XPO6: variants seen among roughly 807,000 people sequenced by gnomAD.
XPO6 encodes the protein exportin-6.
Under a neutral mutation model 130.0 loss-of-function variants are expected in XPO6, and 3 were observed. The ratio of observed to expected loss-of-function variants is 0.02; its 90% CI spans 0.01 to 0.06. The LOEUF (loss-of-function observed/expected upper bound fraction) is 0.06, where lower values mean the gene tolerates loss of function less well. XPO6 is among the 10% of genes least tolerant of loss of function. The pLI, the probability that XPO6 is intolerant of heterozygous loss-of-function variation, is 1.00. For synonymous variants in XPO6, 524 were observed against 548.9 expected (o/e 0.95, Z 0.63); for missense variants, 970 against 1,393.0 (o/e 0.70, Z 4.83).
intron 1 of XPO6, among the ~76,000 whole-genome samples, chr16:28,203,209 G>C (rs2043978377): frequency 6.6e-6 from 1 of 151,580 alleles, no homozygotes; most frequent in African/African-American, 2.4e-5. Context: ...CCAGGAGATA[G>C]AGGCTGCAGT....
At chr16:28,110,101 T>C (rs1466551908) in intron 17 of XPO6, among the ~76,000 whole-genome samples, 1 of 152,186 alleles carries the variant, frequency 6.6e-6, no homozygotes, top group Non-Finnish European at 1.5e-5. Context: ...TTTCCAACCT[T>C]AATTTCAACA....
intron 4 of XPO6, among the ~76,000 whole-genome samples, chr16:28,170,960 T>G (rs572249929): frequency 6.6e-6 from 1 of 152,294 alleles, no homozygotes; most frequent in African/African-American, 2.4e-5. Flanking sequence ...AAGTTGCCAC[T>G]AAAATTATCT....
intron 1 of XPO6, among the ~76,000 whole-genome samples, chr16:28,195,243 C>T (rs958873274): frequency 6.6e-6 from 1 of 152,116 alleles, no homozygotes; most frequent in Non-Finnish European, 1.5e-5. Flanking sequence ...TCCTCCAAAG[C>T]TTAGGTGTAA....
intron 7 of XPO6, chr16:28,155,742 A>G (rs1471164414): frequency 4.2e-6 from 1 of 235,804 alleles, no homozygotes; most frequent in African/African-American, 2.3e-5. Context: ...ACGCAGGAGC[A>G]GCAGTCTCAG....
intron 4 of XPO6, among the ~76,000 whole-genome samples, chr16:28,171,570 T>C (rs2043451038): frequency 6.6e-6 from 1 of 151,942 alleles, no homozygotes; most frequent in Non-Finnish European, 1.5e-5. Context: ...ACAGGACAAG[T>C]ACTCAATAAT....
Position 28,203,095 on chromosome 16 carries a change from G to A in XPO6, c.3+8271C>T, listed in dbSNP as rs2043976543. ...GCTCAAGGCCAGCAGGGGCAACATG[G>A]TGAAACCTCGTATCTACAAAGAATA... On this transcript the variant is annotated intron_variant, in intron 1 of 23. Coordinates refer to ENST00000304658, the MANE Select transcript of XPO6 (RefSeq NM_015171.4). Among the ~76,000 whole-genome samples, 5 of 152,120 alleles carry A rather than the reference G, an allele frequency of 3.3e-5. No individual in the cohort carries two copies. In the South Asian group the frequency reaches 1.0e-3, roughly 31 times the overall value.
intron 23 of XPO6, among the ~76,000 whole-genome samples, 192 bp from the exon 24 acceptor site, chr16:28,098,831 G>C (rs1461236332): frequency 2.6e-5 from 4 of 152,178 alleles, no homozygotes; most frequent in Non-Finnish European, 2.9e-5. Flanking sequence ...AAAAGAACAA[G>C]AGGAATACGT....
At position 28,169,753 on chromosome 16, in the gene XPO6, T is replaced by C; in HGVS notation, c.562A>G (p.Thr188Ala). The change falls in exon 5 of 24, where the codon ACA (threonine) becomes GCA (alanine). Residue 188 changes from threonine (T) to alanine (A), a missense_variant. Around this residue, in one of 4 missense-constraint regions of XPO6, gnomAD observed 936 missense variants for 1,306.8 expected, o/e 0.72. Coordinates refer to ENST00000304658, the MANE Select transcript of XPO6 (RefSeq NM_015171.4). The part of the protein sequence containing the change: ...DQVQTVLGLL[T>A]GILETVWDKH... ...TGGGCACTACCATACTGCTCACCTG[T>C]CAGTAGCCCAAGCACTGTCTGCACC... is the stretch of plus-strand genomic sequence containing the variant. 1 of 1,613,766 alleles carries C rather than the reference T, an allele frequency of 6.2e-7. No homozygotes were observed. Among genetic ancestry groups the C allele is most frequent in the Non-Finnish European group, 8.5e-7 (1 of 1,179,888 alleles).
chr16:28,124,815 T>G (rs1203355761), intron 13 of XPO6, among the ~76,000 whole-genome samples: 1 of 152,220 alleles, frequency 6.6e-6, no homozygotes, highest in Non-Finnish European at 1.5e-5. Context: ...GATGTGGCAG[T>G]GAAGTCTGGC....
In XPO6 at chr16:28,193,823, G is replaced by A. The variant is rs183245355; in HGVS notation, c.4-12792C>T. 5.9e-5 allele frequency among the ~76,000 whole-genome samples: 9 copies of A among 152,248 alleles called. No homozygotes were observed. In the East Asian group the frequency reaches 1.5e-3, roughly 26 times the overall value. On this transcript the variant is annotated intron_variant, in intron 1 of 23. Transcript: ENST00000304658. The stretch of plus-strand genomic sequence containing the variant: ...ATTCTCAACCAATTTTGCTAGAAGT[G>A]ACTCAGTCCGTCTCTCAGCTCTGCC...
Position 28,117,391 on chromosome 16 carries a change from C to T in XPO6, c.1931G>A (p.Arg644Gln), listed in dbSNP as rs1439827455. 4.3e-6 allele frequency: 7 copies of T among 1,614,140 alleles called. No homozygotes were observed. Among genetic ancestry groups the T allele is most frequent in the East Asian group, 2.2e-5 (1 of 44,880 alleles). Reference protein sequence around the residue: ...WLAQYCSEVHRQNTQQFVTLI... With the variant: ...WLAQYCSEVHQQNTQQFVTLI... ...TGTCACGAACTGCTGCGTGTTCTGC[C>T]GGTGAACTTCACTGCAATACTGTGC... The change falls in exon 15 of 24, where the codon CGG (arginine) becomes CAG (glutamine). Residue 644 changes from arginine (R) to glutamine (Q), a missense_variant. Arg to Gln is a conservative substitution (Grantham distance 43). Transcript: ENST00000304658.
rs978606840 is a variant in XPO6 at position 28,101,314 on chromosome 16, A to C, written c.3276+144T>G. ...AATCAGGCTACAGCACCAGGTCAGC[A>C]GGCATCTCGTGAGCTGCCGCCAAGC... On this transcript the variant is annotated intron_variant, in intron 23 of 23. Transcript: ENST00000304658. This position sits in a 1 kb window ranked among gnomAD's most constrained non-coding sequence, Gnocchi z 5.4. The C allele has an allele frequency of 1.2e-5, 9 of 729,108 alleles. No individual in the cohort carries two copies. Among genetic ancestry groups the C allele is most frequent in the African/African-American group, 3.5e-5 (2 of 57,698 alleles). 45.2% of individuals were successfully genotyped at this position (729,108 alleles called of 1,614,324 possible).
chr16:28,136,726 G>T (rs975442323), intron 9 of XPO6, among the ~76,000 whole-genome samples: 15 of 152,184 alleles, frequency 9.9e-5, no homozygotes, highest in African/African-American at 3.4e-4. Flanking sequence ...CAAGTTATAA[G>T]CAACAATTGC....
chr16:28,099,788 G>C (rs527799290), intron 23 of XPO6, among the ~76,000 whole-genome samples: 1 of 152,278 alleles, frequency 6.6e-6, no homozygotes, highest in Non-Finnish European at 1.5e-5. Flanking sequence ...TTCCTGGCCC[G>C]GGGCTTGAGA....
chr16:28,110,758 G>A (rs949256905), intron 17 of XPO6, among the ~76,000 whole-genome samples: 1 of 152,238 alleles, frequency 6.6e-6, no homozygotes, highest in Non-Finnish European at 1.5e-5. Context: ...TAAGGCTAAT[G>A]TAAGAACTGA....
Position 28,135,318 on chromosome 16 carries a change from T to C in XPO6, c.1341A>G (p.Glu447=), listed in dbSNP as rs1000993728. The change falls in exon 10 of 24, where the codon GAA becomes GAG. Residue 447 remains glutamate (E), a synonymous_variant. Transcript: ENST00000304658. ...CTGTGAGCAGGAGCACCAGGGCATCTTCGTACCTATGTGGCAGGGAGAAAT... is the reference window on the plus strand; with the variant it reads ...CTGTGAGCAGGAGCACCAGGGCATCCTCGTACCTATGTGGCAGGGAGAAAT... ...GDKEAVLNRY[E]DALVLLLTEV... 3 of 1,613,454 alleles carry C rather than the reference T, an allele frequency of 1.9e-6. No individual in the cohort carries two copies. Among genetic ancestry groups the C allele is most frequent in the Non-Finnish European group, 1.7e-6 (2 of 1,179,632 alleles).
intron 6 of XPO6, among the ~76,000 whole-genome samples, chr16:28,164,429 A>AAT (rs2043324847): frequency 6.6e-6 from 1 of 152,214 alleles, no homozygotes; most frequent in African/African-American, 2.4e-5. Flanking sequence ...CTTCACTTAC[A>AAT]TTACCATAAA....
At chr16:28,209,736 T>C (rs1405634736) in intron 1 of XPO6, among the ~76,000 whole-genome samples, 1 of 151,922 alleles carries the variant, frequency 6.6e-6, no homozygotes, top group African/African-American at 2.4e-5. Context: ...CTCATACCTC[T>C]AGATTACTCT....
chr16:28,199,116 G>A (rs1433126865), intron 1 of XPO6, among the ~76,000 whole-genome samples: 1 of 151,872 alleles, frequency 6.6e-6, no homozygotes, highest in African/African-American at 2.4e-5. Context: ...CTACAGCCTG[G>A]GCAACAAGAG....
Sources: allele counts gnomAD v4.1 joint callset (sites outside exome capture counted in the v4.1 genomes callset), GRCh38; gene constraint gnomAD v4.1.1; regional missense constraint gnomAD v4.1.1; non-coding constraint Gnocchi (gnomAD v3.1); transcripts MANE v1.5; gene names NCBI Gene and HGNC (gene_info 2026-07-23, HGNC 2026-07-21).